SMARCA5: variants seen among roughly 807,000 people sequenced by gnomAD.
SMARCA5 encodes SNF2 related chromatin remodeling ATPase 5, also known as SWI/SNF-related matrix-associated actin-dependent regulator of chromatin subfamily A member 5.
SMARCA5 carries 18 observed loss-of-function variants against 140.4 expected under a neutral mutation model. That is an observed-to-expected ratio of 0.13 (90% CI 0.09 to 0.19). SMARCA5 has a LOEUF of 0.19. SMARCA5 is among the 10% of genes least tolerant of loss of function. The probability of loss-of-function intolerance (pLI) is 1.00; values close to 1 mark genes in which losing one functional copy is unlikely to be tolerated. For missense variants in SMARCA5, 606 were observed against 1,276.8 expected (o/e 0.47, Z 8.01); for synonymous variants, 449 against 419.6 (o/e 1.07, Z -0.86).
At chr4:143,538,110 T>G (rs1737352345) in intron 11 of SMARCA5, among the ~76,000 whole-genome samples, 1 of 152,080 alleles carries the variant, frequency 6.6e-6, no homozygotes, top group Non-Finnish European at 1.5e-5. Flanking sequence ...TCGGATAGTT[T>G]GAATCATGGC....
chr4:143,548,223 A>C, intron 22 of SMARCA5, 83 bp downstream of exon 22: 1 of 752,184 alleles, frequency 1.3e-6, no homozygotes. Flanking sequence ...TGACTTTAAA[A>C]AAATCTATGA....
chr4:143,550,900 A>G (rs1166376750), intron 23 of SMARCA5, among the ~76,000 whole-genome samples: 2 of 152,086 alleles, frequency 1.3e-5, no homozygotes, highest in Non-Finnish European at 2.9e-5. Flanking sequence ...GGGAGTGCAC[A>G]TATCTCTTTG....
At chr4:143,534,356 G>A (rs1195327025) in intron 9 of SMARCA5, among the ~76,000 whole-genome samples, 2 of 151,892 alleles carry the variant, frequency 1.3e-5, no homozygotes, top group Non-Finnish European at 2.9e-5. Context: ...TATACAGTTA[G>A]CCCTTCATAT....
chr4:143,521,893 C>CAAAAAAAAAAAA (rs58679947), intron 3 of SMARCA5, among the ~76,000 whole-genome samples: 2 of 44,798 alleles, frequency 4.5e-5, no homozygotes, highest in African/African-American at 1.7e-4. Flanking sequence ...CCCATCTCTA[C>CAAAAAAAAAAAA]AAAAAAAAAA....
chr4:143,549,639 G>A (rs1560822724), intron 22 of SMARCA5, among the ~76,000 whole-genome samples: 2 of 152,026 alleles, frequency 1.3e-5, no homozygotes, highest in African/African-American at 4.8e-5. Context: ...TCACATATGT[G>A]CACTATTAAT....
intron 11 of SMARCA5, 27 bp from the exon 12 acceptor site, chr4:143,538,563 A>C: frequency 6.2e-7 from 1 of 1,603,148 alleles, no homozygotes; most frequent in South Asian, 1.1e-5. Flanking sequence ...GAAGCCACTG[A>C]TAATAGATTG....
Position 143,538,811 on chromosome 4 carries a change from C to T in SMARCA5, c.1643C>T (p.Pro548Leu). 1 of 1,613,944 alleles carries T rather than the reference C, an allele frequency of 6.2e-7. No individual in the cohort carries two copies. Residue 548 changes from proline to leucine, a missense_variant, in exon 13 of 24, where the codon CCA becomes CTA. Coordinates refer to ENST00000283131, the MANE Select transcript of SMARCA5 (RefSeq NM_003601.4). ...GACTCCATCAATGCATACAATGAAC[C>T]AAACAGCACAAAGTTTGTTTTCATG... is the stretch of plus-strand genomic sequence containing the variant. ...RQDSINAYNE[P>L]NSTKFVFMLS...
chr4:143,532,367 T>C (rs1737206370), intron 9 of SMARCA5, among the ~76,000 whole-genome samples: 1 of 152,202 alleles, frequency 6.6e-6, no homozygotes, highest in Non-Finnish European at 1.5e-5. Flanking sequence ...CCTCTGCTCT[T>C]GGCTTTCCTT....
chr4:143,521,700 CA>C, intron 3 of SMARCA5, 105 bp downstream of exon 3: 2 of 1,035,726 alleles, frequency 1.9e-6, no homozygotes, highest in Non-Finnish European at 2.7e-6. Context: ...ATTTTAGTGC[CA>C]TTATTTATTT....
rs942913108 is a variant in SMARCA5, at chr4:143,553,842, C to T, written c.*658C>T. On this transcript the variant is annotated 3_prime_UTR_variant, in exon 24 of 24. Transcript: ENST00000283131. ...ATAGCCAAAGACATTTAGTATTTTC[C>T]GGTTCCTTAAGGTATTACTGTACCA... is the stretch of plus-strand genomic sequence containing the variant. 10 of 151,704 alleles carry T rather than the reference C, an allele frequency of 6.6e-5. No homozygotes were observed. Among genetic ancestry groups the T allele is most frequent in the East Asian group, 1.9e-4 (1 of 5,168 alleles). The allele number at this position is 151,704 out of a possible 1,614,324, so 9.4% of individuals were successfully genotyped here.
chr4:143,555,208 G>C lies in SMARCA5; in HGVS notation c.*2024G>C. ...CAAAGTATTGGCCTCTACCACCATA[G>C]GGCCCAGAGCTTCTGCCTCCAAAGT... On this transcript the variant is annotated 3_prime_UTR_variant, in exon 24 of 24. Transcript: ENST00000283131. The C allele has an allele frequency of 1.3e-6, 1 of 789,848 alleles. No homozygotes were observed. Among genetic ancestry groups the C allele is most frequent in the South Asian group, 1.3e-5 (1 of 75,338 alleles). 48.9% of individuals were successfully genotyped at this position (789,848 alleles called of 1,614,324 possible).
In SMARCA5 at chr4:143,545,962, C is replaced by G; in HGVS notation, c.2435C>G (p.Ala812Gly). Reference sequence around the variant, plus strand: ...CCTGAGCTGCCTAATGCAGCACAGGCACAAAAAGAAGAACAGCTTAAAATT... The same window carrying G: ...CCTGAGCTGCCTAATGCAGCACAGGGACAAAAAGAAGAACAGCTTAAAATT... ...RNPELPNAAQAQKEEQLKIDE... is the reference protein window; with the variant it reads ...RNPELPNAAQGQKEEQLKIDE... The change falls in exon 19 of 24, where the codon GCA becomes GGA. Residue 812 changes from alanine to glycine, a missense_variant. Ala to Gly is a moderately conservative substitution (Grantham distance 60, BLOSUM62 0). Transcript: ENST00000283131. 6.2e-7 allele frequency: 1 copy of G among 1,608,308 alleles called. No individual in the cohort carries two copies. Among genetic ancestry groups the G allele is most frequent in the East Asian group, 2.2e-5 (1 of 44,806 alleles).
In SMARCA5 at chr4:143,554,496, C is replaced by T. The variant is rs1560824612; in HGVS notation, c.*1312C>T. ...TTCTATTAGTAGTTGTTTTCATCTG[C>T]CCACATGTAATTGAAGATTTAAAAA... On this transcript the variant is annotated 3_prime_UTR_variant, in exon 24 of 24. Coordinates refer to ENST00000283131, the MANE Select transcript of SMARCA5 (RefSeq NM_003601.4). 1 of 151,754 alleles carries T rather than the reference C, an allele frequency of 6.6e-6. No individual in the cohort carries two copies. Among genetic ancestry groups the T allele is most frequent in the Non-Finnish European group, 1.5e-5 (1 of 67,982 alleles). The allele number at this position is 151,754 out of a possible 1,614,324, so 9.4% of individuals were successfully genotyped here.
At chr4:143,533,700 G>T (rs551391110) in intron 9 of SMARCA5, among the ~76,000 whole-genome samples, 36 of 151,818 alleles carry the variant, frequency 2.4e-4, no homozygotes, top group African/African-American at 8.7e-4. Context: ...ATAGAGACGG[G>T]GTTTCACCAT....
chr4:143,537,432 A>G (rs1737333796), intron 11 of SMARCA5, among the ~76,000 whole-genome samples: 1 of 152,216 alleles, frequency 6.6e-6, no homozygotes, highest in Non-Finnish European at 1.5e-5. Flanking sequence ...CCTCTATGAT[A>G]CTATCAAAAG....
chr4:143,526,620 G>A (rs1252194933), intron 6 of SMARCA5, among the ~76,000 whole-genome samples, 160 bp downstream of exon 6: 1 of 152,066 alleles, frequency 6.6e-6, no homozygotes, highest in African/African-American at 2.4e-5. Context: ...ACAGCACTTT[G>A]GGAGGCCGAG....
chr4:143,550,349 A>G (rs189271033), intron 23 of SMARCA5, among the ~76,000 whole-genome samples: 1 of 149,774 alleles, frequency 6.7e-6, no homozygotes, highest in South Asian at 2.1e-4. Flanking sequence ...GTATGTATTT[A>G]TAGGTTACAT....
In SMARCA5 at chr4:143,513,987, A is replaced by G. The variant is rs1251681589; in HGVS notation, c.63A>G (p.Ala21=). The stretch of plus-strand genomic sequence containing the variant: ...CCGAGAGCGCGCCTTCCAAGCCCGC[A>G]GCCTCGATCGCCAGCGGCGGGAGCA... The part of the protein sequence containing the change: ...PPPESAPSKP[A]ASIASGGSNS... Residue 21 remains alanine, a synonymous_variant, in exon 1 of 24, where the codon GCA becomes GCG. Transcript: ENST00000283131. 1 of 1,563,364 alleles carries G rather than the reference A, an allele frequency of 6.4e-7. No homozygotes were observed. Among genetic ancestry groups the G allele is most frequent in the Non-Finnish European group, 8.6e-7 (1 of 1,162,404 alleles).
chr4:143,551,031 G>A (rs1737630876), intron 23 of SMARCA5, among the ~76,000 whole-genome samples: 1 of 152,124 alleles, frequency 6.6e-6, no homozygotes, highest in Non-Finnish European at 1.5e-5. Context: ...CACCAAAAGT[G>A]TATGAGGGTT....
Sources: gnomAD v4.1 joint callset for allele counts (sites outside exome capture counted in the v4.1 genomes callset) on GRCh38, gnomAD v4.1.1 for gene constraint, MANE v1.5 for transcripts, NCBI Gene and HGNC (gene_info 2026-07-23, HGNC 2026-07-21) for gene names.